KCNJ6: variants seen among roughly 807,000 people sequenced by gnomAD.
The protein encoded by KCNJ6 is potassium inwardly rectifying channel subfamily J member 6, also known as G protein-activated inward rectifier potassium channel 2.
Under a neutral mutation model 34.2 loss-of-function variants are expected in KCNJ6, and 9 were observed. The ratio of observed to expected loss-of-function variants is 0.26; its 90% CI spans 0.16 to 0.46. The LOEUF is 0.46. Among genes scored for constraint, KCNJ6 ranks in the 20% least tolerant of loss-of-function variants. The pLI is 1.00. For missense variants in KCNJ6, 236 were observed against 531.3 expected (o/e 0.44, Z 5.46); for synonymous variants, 196 against 207.1 (o/e 0.95, Z 0.46).
Position 37,608,061 on chromosome 21 carries a change from C to G in KCNJ6, c.*17098G>C, listed in dbSNP as rs2054230397. ...GTGAAAATTATTTTTTAATTCAATA[C>G]TAAAGACTTCAGAGCCTTTAAGATG... is the stretch of plus-strand genomic sequence containing the variant. On this transcript the variant is annotated 3_prime_UTR_variant, in exon 4 of 4. Transcript: ENST00000609713. 1 of 152,192 alleles carries G rather than the reference C, an allele frequency of 6.6e-6. No homozygotes were observed. Among genetic ancestry groups the G allele is most frequent in the Non-Finnish European group, 1.5e-5 (1 of 68,032 alleles). The allele number at this position is 152,192 out of a possible 1,614,324, so 9.4% of individuals were successfully genotyped here. A position where few individuals can be genotyped will look rare whatever the true frequency, so the allele number is the denominator to read the frequency against.
At chr21:37,668,776 G>A (rs1320382844) in intron 3 of KCNJ6, among the ~76,000 whole-genome samples, 1 of 152,152 alleles carries the variant, frequency 6.6e-6, no homozygotes, top group Admixed American at 6.5e-5. Flanking sequence ...GAAGGAGAAG[G>A]ATCCTTTTTG....
chr21:37,671,302 A>G (rs2054541255), intron 3 of KCNJ6, among the ~76,000 whole-genome samples: 1 of 152,222 alleles, frequency 6.6e-6, no homozygotes, highest in Non-Finnish European at 1.5e-5. Context: ...TGAAGCTTCC[A>G]TAGAAAAGCA....
At chr21:37,908,599 T>C (rs1028061379) in intron 1 of KCNJ6, among the ~76,000 whole-genome samples, 1 of 152,232 alleles carries the variant, frequency 6.6e-6, no homozygotes, top group African/African-American at 2.4e-5. Context: ...GGTTGTGAAG[T>C]TGGCTTTTCT....
At chr21:37,871,089 T>C (rs1410082169) in intron 1 of KCNJ6, among the ~76,000 whole-genome samples, 4 of 152,180 alleles carry the variant, frequency 2.6e-5, no homozygotes, top group Non-Finnish European at 5.9e-5. Flanking sequence ...CTCTTGATGT[T>C]GAGGGCTCCA....
Position 37,714,068 on chromosome 21 carries a change from G to A in KCNJ6, c.946+143C>T. The A allele has an allele frequency of 1.5e-6, 1 of 675,096 alleles. No homozygotes were observed. The highest frequency in any genetic ancestry group is 2.5e-5 in the East Asian group (1 of 39,828). The allele number at this position is 675,096 out of a possible 1,614,324, so 41.8% of individuals were successfully genotyped here. ...GGATATACTTCAGGTGAGACATGTA[G>A]GCATACTATGTCATGAAGCAAGGGG... On this transcript the variant is annotated intron_variant, in intron 3 of 3. Coordinates refer to ENST00000609713, the MANE Select transcript of KCNJ6 (RefSeq NM_002240.5). The surrounding 1 kb of genome is among the most constrained non-coding windows in gnomAD (Gnocchi z 5.9).
At chr21:37,732,551 G>T (rs2054891271) in intron 2 of KCNJ6, among the ~76,000 whole-genome samples, 1 of 152,208 alleles carries the variant, frequency 6.6e-6, no homozygotes, top group South Asian at 2.1e-4. Flanking sequence ...ACTAGTCTCT[G>T]CATGACTGAT....
intron 1 of KCNJ6, among the ~76,000 whole-genome samples, chr21:37,849,489 CCAGGTTG>C (rs2123588937): frequency 6.6e-6 from 1 of 152,288 alleles, no homozygotes; most frequent in South Asian, 2.1e-4. Context: ...CTTTACTTTT[CCAGGTTG>C]CCCACAATCC....
Position 37,735,250 on chromosome 21 carries a change from C to G in KCNJ6, c.26-20119G>C, listed in dbSNP as rs181053058. Among the ~76,000 whole-genome samples the G allele has an allele frequency of 1.7e-3, 258 of 152,266 alleles. 4 individuals carry two copies. The highest frequency in any genetic ancestry group is 2.2e-4 in the Non-Finnish European group (15 of 68,022). On this transcript the variant is annotated intron_variant, in intron 2 of 3. Transcript: ENST00000609713. Reference sequence around the variant, plus strand: ...GGTTAGCTTAGACTCTGTTGCTAGACTCAGAGGGTAAGATGAAAGTAAAGG... The same window carrying G: ...GGTTAGCTTAGACTCTGTTGCTAGAGTCAGAGGGTAAGATGAAAGTAAAGG...
chr21:37,834,397 G>T (rs913369086), intron 2 of KCNJ6, among the ~76,000 whole-genome samples: 2 of 152,158 alleles, frequency 1.3e-5, no homozygotes, highest in African/African-American at 4.8e-5. Flanking sequence ...TTTGATGCAG[G>T]AGCACACTGG....
chr21:37,872,230 G>T (rs1366864993), intron 1 of KCNJ6, among the ~76,000 whole-genome samples: 2 of 152,314 alleles, frequency 1.3e-5, no homozygotes, highest in South Asian at 2.1e-4. Flanking sequence ...GAGTCATCAA[G>T]AATGAGTATA....
intron 2 of KCNJ6, among the ~76,000 whole-genome samples, chr21:37,773,350 A>AT (rs1431172634): frequency 1.3e-5 from 2 of 152,062 alleles, no homozygotes; most frequent in Admixed American, 6.5e-5. Flanking sequence ...CCTTGTCTTC[A>AT]TTTTCAAGGG....
chr21:37,891,126 T>C (rs563019457), intron 1 of KCNJ6, among the ~76,000 whole-genome samples: 60 of 152,214 alleles, frequency 3.9e-4, no homozygotes, highest in Non-Finnish European at 7.5e-4. Context: ...AGGGAAGGCA[T>C]AGGGGACGGG....
intron 2 of KCNJ6, among the ~76,000 whole-genome samples, chr21:37,791,790 C>CT: frequency 6.6e-6 from 1 of 151,764 alleles, no homozygotes; most frequent in East Asian, 1.9e-4. Context: ...TAAAAATGTT[C>CT]TTTTTTATTG....
chr21:37,827,240 C>T (rs999507706), intron 2 of KCNJ6, among the ~76,000 whole-genome samples: 9 of 152,172 alleles, frequency 5.9e-5, no homozygotes, highest in Admixed American at 5.2e-4. Flanking sequence ...GAAGCAATCA[C>T]CCTCTATATC....
At chr21:37,711,946 G>T (rs996798204) in intron 3 of KCNJ6, among the ~76,000 whole-genome samples, 14 of 152,178 alleles carry the variant, frequency 9.2e-5, no homozygotes. Context: ...AGGCCATAGG[G>T]TGCTCAGAGG....
chr21:37,661,776 C>A (rs2054490573), intron 3 of KCNJ6, among the ~76,000 whole-genome samples: 1 of 135,086 alleles, frequency 7.4e-6, no homozygotes, highest in African/African-American at 2.8e-5. Flanking sequence ...GCGCCGGCCA[C>A]CATGCCCCGC....
At chr21:37,852,532 A>G (rs560145176) in intron 1 of KCNJ6, among the ~76,000 whole-genome samples, 16 of 152,356 alleles carry the variant, frequency 1.1e-4, no homozygotes, top group African/African-American at 3.8e-4. Context: ...ATGACACCTT[A>G]CTAGTGAGCA....
intron 2 of KCNJ6, among the ~76,000 whole-genome samples, chr21:37,767,513 C>A (rs2055097235): frequency 6.6e-6 from 1 of 152,176 alleles, no homozygotes; most frequent in East Asian, 1.9e-4. Context: ...GGAGTTGCCA[C>A]TGCCAACCCT....
chr21:37,653,071 T>C (rs2054441148), intron 3 of KCNJ6, among the ~76,000 whole-genome samples: 1 of 152,176 alleles, frequency 6.6e-6, no homozygotes, highest in Non-Finnish European at 1.5e-5. Context: ...TGTGGGATTA[T>C]TTAGCAGAGA....
Sources: gnomAD v4.1 joint callset for allele counts (sites outside exome capture counted in the v4.1 genomes callset) on GRCh38, gnomAD v4.1.1 for gene constraint, Gnocchi (gnomAD v3.1) non-coding constraint, MANE v1.5 for transcripts, NCBI Gene and HGNC (gene_info 2026-07-23, HGNC 2026-07-21) for gene names.